ERICH6: variants seen among roughly 807,000 people sequenced by gnomAD.
ERICH6 encodes glutamate-rich protein 6.
In ERICH6, 71 loss-of-function variants were observed where a neutral mutation model predicts 71.0. That is an observed-to-expected ratio of 1.00 (90% CI 0.83 to 1.22). The LOEUF (loss-of-function observed/expected upper bound fraction) is 1.22. ERICH6 is among the 50% of genes most tolerant of loss of function. The probability of loss-of-function intolerance (pLI) is 0.00; values close to 1 mark genes in which losing one functional copy is unlikely to be tolerated. For missense variants in ERICH6, 808 were observed against 797.2 expected (o/e 1.01, Z -0.16); for synonymous variants, 262 against 278.4 (o/e 0.94, Z 0.59).
At chr3:150,688,151 A>T (rs1308192079) in intron 3 of ERICH6, among the ~76,000 whole-genome samples, 4 of 152,248 alleles carry the variant, frequency 2.6e-5, no homozygotes, top group East Asian at 3.9e-4. Context: ...AAATTTTTTT[A>T]AAAAAGAAGT....
intron 11 of ERICH6, among the ~76,000 whole-genome samples, chr3:150,671,242 A>G (rs1424231440): frequency 1.3e-5 from 2 of 152,180 alleles, no homozygotes; most frequent in Non-Finnish European, 2.9e-5. Context: ...CTGGCTTACT[A>G]TTGGGGTTTA....
chr3:150,672,264 C>CATAT (rs57492414), intron 11 of ERICH6, among the ~76,000 whole-genome samples: 9 of 123,620 alleles, frequency 7.3e-5, no homozygotes, highest in African/African-American at 1.9e-4. Context: ...TTTATATATA[C>CATAT]ATATATATAT....
At chr3:150,679,650 G>C (rs920436727) in intron 9 of ERICH6, among the ~76,000 whole-genome samples, 2 of 151,846 alleles carry the variant, frequency 1.3e-5, no homozygotes, top group Admixed American at 1.3e-4. Flanking sequence ...ACTAATATAT[G>C]AAGAAAATAA....
intron 6 of ERICH6, among the ~76,000 whole-genome samples, chr3:150,683,724 A>G (rs113284670): frequency 0.013 from 2,002 of 152,282 alleles, 41 homozygotes; most frequent in African/African-American, 0.046. Context: ...ACTGCACTCC[A>G]GCACTCCAGC....
chr3:150,697,182 CA>C (rs55830632), intron 3 of ERICH6, among the ~76,000 whole-genome samples: 29,451 of 151,908 alleles, frequency 0.19, 3,088 homozygotes, highest in African/African-American at 0.27. Flanking sequence ...CAACAGCAAA[CA>C]AAAGGGGCCA....
intron 11 of ERICH6, among the ~76,000 whole-genome samples, chr3:150,671,655 C>A (rs1360258410): frequency 2.6e-5 from 4 of 152,170 alleles, no homozygotes; most frequent in African/African-American, 9.7e-5. Flanking sequence ...GAGATAGGGT[C>A]TTGCTGTGTT....
chr3:150,678,282 T>A (rs1051969711), intron 10 of ERICH6, 127 bp downstream of exon 10: 8 of 868,760 alleles, frequency 9.2e-6, no homozygotes, highest in Non-Finnish European at 1.0e-5. Flanking sequence ...AAAGACCAAG[T>A]CTGTACCAAT....
chr3:150,661,971 A>G (rs1449904523), intron 13 of ERICH6, among the ~76,000 whole-genome samples: 6 of 152,210 alleles, frequency 3.9e-5, no homozygotes, highest in African/African-American at 1.2e-4. Context: ...AGAACATATA[A>G]CTCAAAACTA....
chr3:150,700,241 A>T (rs866593830), intron 2 of ERICH6, among the ~76,000 whole-genome samples: 17 of 110,966 alleles, frequency 1.5e-4, no homozygotes, highest in African/African-American at 6.3e-4. Flanking sequence ...TGCCCGGCTA[A>T]TTTTTTTTTT....
chr3:150,685,650 T>G, intron 6 of ERICH6, 92 bp downstream of exon 6: 1 of 1,099,524 alleles, frequency 9.1e-7, no homozygotes, highest in East Asian at 2.4e-5. Context: ...TTTTTTCCTT[T>G]TAGAGTATTT....
Position 150,680,460 on chromosome 3 carries a change from G to A in ERICH6, c.1111+8C>T, listed in dbSNP as rs202048911. ...GCTGGTCTATAAGATCAGCACTAAT[G>A]AACTCACCATCTTCAGAGAAATGAG... On this transcript the variant is annotated splice_region_variant and intron_variant, in intron 9 of 13. Coordinates refer to ENST00000295910, the MANE Select transcript of ERICH6 (RefSeq NM_152394.5). The A allele has an allele frequency of 4.3e-5, 70 of 1,613,570 alleles. No homozygotes were observed. In the Admixed American group the frequency reaches 5.0e-4, roughly 12 times the overall value.
chr3:150,678,262 G>T, intron 10 of ERICH6, 147 bp downstream of exon 10: 2 of 645,324 alleles, frequency 3.1e-6, no homozygotes, highest in Non-Finnish European at 2.4e-6. Flanking sequence ...ATAAAGTCTA[G>T]CAGAAGTTAA....
chr3:150,698,150 T>A (rs547776626), intron 3 of ERICH6, among the ~76,000 whole-genome samples: 21 of 152,348 alleles, frequency 1.4e-4, no homozygotes, highest in African/African-American at 5.1e-4. Flanking sequence ...CATCATCTAA[T>A]GTTTTATATA....
intron 10 of ERICH6, among the ~76,000 whole-genome samples, chr3:150,676,761 C>T (rs1711670848): frequency 6.6e-6 from 1 of 151,964 alleles, no homozygotes; most frequent in Non-Finnish European, 1.5e-5. Flanking sequence ...CTCAACCTCC[C>T]AAGTAAGTGA....
chr3:150,700,004 G>C (rs1712803155), intron 2 of ERICH6, among the ~76,000 whole-genome samples: 1 of 152,100 alleles, frequency 6.6e-6, no homozygotes, highest in Admixed American at 6.6e-5. Context: ...ATATCAGAAT[G>C]GTCTGAGGAT....
At chr3:150,669,516 A>T in intron 11 of ERICH6, 65 bp from the exon 12 acceptor site, 2 of 1,543,826 alleles carry the variant, frequency 1.3e-6, no homozygotes, top group Non-Finnish European at 1.8e-6. Context: ...AACAAATTCA[A>T]TTTATGAGAG....
intron 3 of ERICH6, among the ~76,000 whole-genome samples, chr3:150,697,799 T>C (rs999786271): frequency 6.6e-6 from 1 of 152,182 alleles, no homozygotes; most frequent in Non-Finnish European, 1.5e-5. Context: ...ATATCACTTC[T>C]CTGCACAAAT....
chr3:150,687,254 C>G (rs2108066901), intron 3 of ERICH6, among the ~76,000 whole-genome samples: 1 of 152,312 alleles, frequency 6.6e-6, no homozygotes, highest in East Asian at 1.9e-4. Flanking sequence ...ATGTCCCAGG[C>G]AGGACAGAGT....
At chr3:150,702,255 G>A in intron 1 of ERICH6, 77 bp from the exon 2 acceptor site, 1 of 665,422 alleles carries the variant, frequency 1.5e-6, no homozygotes, top group Non-Finnish European at 2.5e-6. Context: ...AGGAACACAT[G>A]GCAATGTCTG....
Sources: allele counts gnomAD v4.1 joint callset (sites outside exome capture counted in the v4.1 genomes callset), GRCh38; gene constraint gnomAD v4.1.1; transcripts MANE v1.5; gene names NCBI Gene and HGNC (gene_info 2026-07-23, HGNC 2026-07-21).